SHROOM4: variants seen among roughly 807,000 people sequenced by gnomAD.
SHROOM4 encodes the protein protein Shroom4.
Under a neutral mutation model 80.3 loss-of-function variants are expected in SHROOM4, and 17 were observed. The ratio of observed to expected loss-of-function variants is 0.21; its 90% confidence interval spans 0.14 to 0.32. SHROOM4 has a LOEUF of 0.32. Ranked by LOEUF, SHROOM4 falls within the 10% of genes least tolerant of loss-of-function variation. The pLI, the probability that SHROOM4 is intolerant of heterozygous loss-of-function variation, is 1.00. For synonymous variants in SHROOM4, 400 were observed against 437.5 expected (o/e 0.91, Z 1.07); for missense variants, 993 against 1,140.3 (o/e 0.87, Z 1.86).
At chrX:50,644,608 T>G (rs1557257647) in intron 2 of SHROOM4, among the ~76,000 whole-genome samples, 1 of 112,662 alleles carries the variant, frequency 8.9e-6, no homozygotes, top group Non-Finnish European at 1.9e-5. Context: ...TCCCTTGGCC[T>G]CTGGCCTCAA....
intron 2 of SHROOM4, among the ~76,000 whole-genome samples, chrX:50,658,547 C>T (rs1384166563): frequency 8.9e-6 from 1 of 111,852 alleles, no homozygotes; most frequent in African/African-American, 3.3e-5. Flanking sequence ...CTGCCACTCT[C>T]ATGCTTAAAA....
In SHROOM4 at chrX:50,813,752, T is replaced by C. The variant is rs1557273696; in HGVS notation, c.117+150A>G. 7.1e-5 allele frequency: 33 copies of C among 463,512 alleles called. No homozygotes were observed. In the South Asian group the frequency reaches 9.6e-4, roughly 14 times the overall value. The allele number at this position is 463,512 out of a possible 1,213,427, so 38.2% of individuals were successfully genotyped here. A position where few individuals can be genotyped will look rare whatever the true frequency, so the allele number is the denominator to read the frequency against. On this transcript the variant is annotated intron_variant, in intron 1 of 8. Transcript: ENST00000376020. ...TAGGGGATGTCTGCACCTGGACTGG[T>C]GGCAAGACCCCTCCGTGCCGCTCAG...
chrX:50,700,749 C>T (rs934910321), intron 1 of SHROOM4, among the ~76,000 whole-genome samples: 4 of 112,247 alleles, frequency 3.6e-5, no homozygotes, highest in Admixed American at 9.4e-5. Context: ...AACCAAGAAA[C>T]TCTGTTCCTA....
At chrX:50,642,618 G>A (rs1036758847) in intron 2 of SHROOM4, among the ~76,000 whole-genome samples, 2 of 110,753 alleles carry the variant, frequency 1.8e-5, no homozygotes, top group East Asian at 5.7e-4. Context: ...GCATGCTACC[G>A]TGCCCGGCTA....
intron 1 of SHROOM4, among the ~76,000 whole-genome samples, chrX:50,748,943 G>A (rs782095142): frequency 1.8e-5 from 2 of 112,672 alleles, no homozygotes; most frequent in African/African-American, 3.2e-5. Flanking sequence ...GGGCCCAGTG[G>A]CTCACACCTG....
chrX:50,809,196 T>A lies in SHROOM4; in HGVS notation c.117+4706A>T, dbSNP rs1169015729. On this transcript the variant is annotated intron_variant, in intron 1 of 8. Coordinates refer to ENST00000376020, the MANE Select transcript of SHROOM4 (RefSeq NM_020717.5). ...TGCACACCCCACGAAGGTCCCTTTG[T>A]GAGTGCCAGGCACTGGTCTGTAACA... Among the ~76,000 whole-genome samples the A allele has an allele frequency of 3.6e-5, 4 of 111,686 alleles. No homozygotes were observed. In the Admixed American group the frequency reaches 3.8e-4, roughly 11 times the overall value.
intron 4 of SHROOM4, among the ~76,000 whole-genome samples, chrX:50,629,973 C>T (rs1236564201): frequency 9.0e-6 from 1 of 110,676 alleles, no homozygotes; most frequent in Non-Finnish European, 1.9e-5. Context: ...CAGAAATGGG[C>T]ATGTGGTGTC....
Position 50,635,579 on chromosome X carries a change from G to C in SHROOM4, c.494C>G (p.Pro165Arg). The stretch of plus-strand genomic sequence containing the variant: ...ATGGCTCTCATAGGTGGCTTGGCCT[G>C]GTTGCTCCAGGCTCTCCATGCTGCC... ...SIGSMESLEQ[P>R]GQATYESHLL... is the part of the protein sequence containing the mutation. The change falls in exon 4 of 9, where the codon CCA becomes CGA. Residue 165 changes from proline (P) to arginine (R), a missense_variant. Transcript: ENST00000376020. 1 of 1,210,364 alleles carries C rather than the reference G, an allele frequency of 8.3e-7. No homozygotes were observed. The highest frequency in any genetic ancestry group is 1.8e-5 in the South Asian group (1 of 56,707).
intron 2 of SHROOM4, among the ~76,000 whole-genome samples, chrX:50,669,296 A>G (rs966580170): frequency 2.7e-5 from 3 of 111,240 alleles, no homozygotes; most frequent in Admixed American, 9.5e-5. Context: ...CGACAGTAGG[A>G]TTTCCCTCTC....
chrX:50,752,392 T>A (rs1180830417), intron 1 of SHROOM4, among the ~76,000 whole-genome samples: 1 of 111,981 alleles, frequency 8.9e-6, no homozygotes, highest in Non-Finnish European at 1.9e-5. Context: ...CCACCTGCCT[T>A]ACTTTTCAGA....
At chrX:50,730,999 G>A (rs1226576003) in intron 1 of SHROOM4, among the ~76,000 whole-genome samples, 1 of 110,210 alleles carries the variant, frequency 9.1e-6, no homozygotes, top group African/African-American at 3.3e-5. Flanking sequence ...AAGCCATAAA[G>A]ATATTTATGT....
chrX:50,695,814 A>C lies in SHROOM4; in HGVS notation c.241T>G (p.Phe81Val), dbSNP rs1557262998. The change falls in exon 2 of 9, where the codon TTC (phenylalanine) becomes GTC (valine). Residue 81 changes from phenylalanine (F) to valine (V), a missense_variant. Coordinates refer to ENST00000376020, the MANE Select transcript of SHROOM4 (RefSeq NM_020717.5). ...QEALILIKGS[F>V]RILKLIVRRR... ...CTGACAATCAGCTTGAGAATCCGGA[A>C]GGAGCCTTTGATGAGAATGAGGGCC... 1 of 1,212,031 alleles carries C rather than the reference A, an allele frequency of 8.3e-7. No individual in the cohort carries two copies. The highest frequency in any genetic ancestry group is 1.1e-6 in the Non-Finnish European group (1 of 895,539).
intron 1 of SHROOM4, among the ~76,000 whole-genome samples, chrX:50,723,968 A>G (rs1934188367): frequency 9.1e-6 from 1 of 110,012 alleles, no homozygotes; most frequent in South Asian, 3.9e-4. Context: ...CCTCATTGCC[A>G]CCTTTTCCCC....
chrX:50,646,193 T>C (rs1237375368), intron 2 of SHROOM4, among the ~76,000 whole-genome samples: 4 of 111,677 alleles, frequency 3.6e-5, no homozygotes, highest in African/African-American at 1.3e-4. Flanking sequence ...TTAAAGTATT[T>C]ATATAAATAG....
chrX:50,633,490 A>C lies in SHROOM4; in HGVS notation c.2583T>G (p.Phe861Leu), dbSNP rs185285900. ...QSETPTYSECFASKGLENSMC... is the reference protein window; with the variant it reads ...QSETPTYSECLASKGLENSMC... ...TGGAATTTTCTAGACCTTTGCTTGC[A>C]AAACATTCTGAGTAAGTGGGAGTTT... is the stretch of plus-strand genomic sequence containing the variant. The change falls in exon 4 of 9, where the codon TTT becomes TTG. Residue 861 changes from phenylalanine to leucine, a missense_variant. Physicochemically the swap from Phe to Leu is conservative, Grantham distance 22 (BLOSUM62 0). Coordinates refer to ENST00000376020, the MANE Select transcript of SHROOM4 (RefSeq NM_020717.5). The C allele has an allele frequency of 3.1e-5, 37 of 1,210,189 alleles. No homozygotes were observed. In the East Asian group the frequency reaches 9.5e-4, roughly 31 times the overall value.
Position 50,598,747 on chromosome X carries a change from C to A in SHROOM4, c.3943-212G>T, listed in dbSNP as rs149865146. Reference sequence around the variant, plus strand: ...TCTGGTAGGGATCTCCATGTCACCACCAAACTTTTTGGCATTGGGTAAGTG... The same window carrying A: ...TCTGGTAGGGATCTCCATGTCACCAACAAACTTTTTGGCATTGGGTAAGTG... On this transcript the variant is annotated intron_variant, in intron 7 of 8. Coordinates refer to ENST00000376020, the MANE Select transcript of SHROOM4 (RefSeq NM_020717.5). Among the ~76,000 whole-genome samples the A allele has an allele frequency of 4.1e-3, 457 of 111,920 alleles. 5 individuals carry two copies. The highest frequency in any genetic ancestry group is 0.014 in the African/African-American group (416 of 30,809).
chrX:50,770,956 CA>C (rs1557269666), intron 1 of SHROOM4, among the ~76,000 whole-genome samples: 1 of 111,504 alleles, frequency 9.0e-6, no homozygotes, highest in East Asian at 2.8e-4. Context: ...TCCCCCTACT[CA>C]ACAATGCTTA....
chrX:50,667,777 A>C (rs782699728), intron 2 of SHROOM4, among the ~76,000 whole-genome samples: 15 of 111,219 alleles, frequency 1.3e-4, no homozygotes, highest in Non-Finnish European at 2.4e-4. Flanking sequence ...GGAATGACAC[A>C]GTGATAAGGT....
chrX:50,729,676 C>T (rs974336631), intron 1 of SHROOM4, among the ~76,000 whole-genome samples: 1 of 111,147 alleles, frequency 9.0e-6, no homozygotes, highest in Non-Finnish European at 1.9e-5. Context: ...CAATGATCCA[C>T]ACCCAGATGC....
Sources: gnomAD v4.1 joint callset for allele counts (sites outside exome capture counted in the v4.1 genomes callset) on GRCh38, gnomAD v4.1.1 for gene constraint, MANE v1.5 for transcripts, NCBI Gene and HGNC (gene_info 2026-07-23, HGNC 2026-07-21) for gene names.